SPINK5: variants seen among roughly 807,000 people sequenced by gnomAD.
The protein encoded by SPINK5 is serine peptidase inhibitor Kazal type 5, also known as serine protease inhibitor Kazal-type 5.
Under a neutral mutation model 151.8 loss-of-function variants are expected in SPINK5, and 125 were observed. That is an observed-to-expected ratio of 0.82 (90% CI 0.71 to 0.96). SPINK5 has a LOEUF of 0.96. Among genes scored for constraint, SPINK5 ranks in the 40% least tolerant of loss-of-function variants. The pLI, the probability that SPINK5 is intolerant of heterozygous loss-of-function variation, is 0.00. For missense variants in SPINK5, 1,194 were observed against 1,291.9 expected, an observed-to-expected ratio of 0.92 and a Z score of 1.16; for synonymous variants, 374 against 395.3, an observed-to-expected ratio of 0.95 and a Z score of 0.64.
At chr5:148,068,724 C>A (rs75786595) in intron 2 of SPINK5, among the ~76,000 whole-genome samples, 58 of 151,870 alleles carry the variant, frequency 3.8e-4, no homozygotes, top group Non-Finnish European at 7.5e-4. Flanking sequence ...TTTCCTGATA[C>A]AAGCAACTTG....
chr5:148,071,641 T>G (rs1377520919), intron 3 of SPINK5, among the ~76,000 whole-genome samples: 1 of 150,618 alleles, frequency 6.6e-6, no homozygotes, highest in Non-Finnish European at 1.5e-5. Flanking sequence ...AATTATTATT[T>G]TTATGACTTA....
At chr5:148,068,912 C>T (rs1008066758) in intron 2 of SPINK5, among the ~76,000 whole-genome samples, 2 of 151,842 alleles carry the variant, frequency 1.3e-5, no homozygotes, top group Admixed American at 6.6e-5. Context: ...ATCAGCCTGC[C>T]CAACATGGTG....
intron 8 of SPINK5, among the ~76,000 whole-genome samples, chr5:148,092,363 G>T (rs1473865092): frequency 2.6e-5 from 4 of 151,896 alleles, no homozygotes; most frequent in Non-Finnish European, 5.9e-5. Flanking sequence ...CACTTGCCAA[G>T]GATTGAAAAG....
Position 148,133,865 on chromosome 5 carries a change from C to T in SPINK5, c.3164C>T (p.Thr1055Ile), listed in dbSNP as rs1754633357. 1 of 1,614,040 alleles carries T rather than the reference C, an allele frequency of 6.2e-7. No homozygotes were observed. The highest frequency in any genetic ancestry group is 1.1e-5 in the South Asian group (1 of 91,086). Reference sequence around the variant, plus strand: ...GAGGAGAGCAGCACCCCAGGAACCACCGCAGCCAGCATGCCCCCGTCTGTA... The same window carrying T: ...GAGGAGAGCAGCACCCCAGGAACCATCGCAGCCAGCATGCCCCCGTCTGTA... ...KCEESSTPGTTAASMPPSDE is the reference protein window; with the variant it reads ...KCEESSTPGTIAASMPPSDE The change falls in exon 32 of 33, where the codon ACC becomes ATC. Residue 1055 changes from threonine to isoleucine, a missense_variant. Physicochemically the swap from Thr to Ile is moderately conservative, Grantham distance 89. Transcript: ENST00000256084.
intron 32 of SPINK5, among the ~76,000 whole-genome samples, chr5:148,136,500 A>AATGTTT (rs1754698373): frequency 6.6e-6 from 1 of 152,196 alleles, no homozygotes; most frequent in African/African-American, 2.4e-5. Flanking sequence ...ATATTCATTT[A>AATGTTT]ATGTTTTAAA....
rs779936876 is a variant in SPINK5, at chr5:148,099,264, T to C, written c.1041T>C (p.Ala347=). The C allele has an allele frequency of 1.2e-6, 2 of 1,612,058 alleles. No individual in the cohort carries two copies. The highest frequency in any genetic ancestry group is 2.2e-5 in the South Asian group (2 of 90,842). The stretch of plus-strand genomic sequence containing the variant: ...CAGAAAATGAAGAAAAGAAAAAGGC[T>C]GAAGCACGAGCTAGAAACAAAAGAG... ...FQAENEEKKK[A]EARARNKRES... The change falls in exon 12 of 33, where the codon GCT becomes GCC. Residue 347 remains alanine, a synonymous_variant. Coordinates refer to ENST00000256084, the MANE Select transcript of SPINK5 (RefSeq NM_006846.4).
chr5:148,066,798 CACT>C (rs1285886240), intron 2 of SPINK5, among the ~76,000 whole-genome samples: 1 of 152,124 alleles, frequency 6.6e-6, no homozygotes, highest in Non-Finnish European at 1.5e-5. Flanking sequence ...GTGAATTTTA[CACT>C]GCTATTTTTC....
At chr5:148,123,514 TATATGTGTATA>T (rs1436214922) in intron 26 of SPINK5, among the ~76,000 whole-genome samples, 2 of 12,512 alleles carry the variant, frequency 1.6e-4, no homozygotes, top group African/African-American at 4.9e-4. Context: ...AGTGGTGCAA[TATATGTGTATA>T]TATATATATA....
intron 4 of SPINK5, among the ~76,000 whole-genome samples, chr5:148,080,011 G>C (rs12187263): frequency 2.7e-4 from 41 of 150,952 alleles, no homozygotes; most frequent in Non-Finnish European, 5.2e-4. Flanking sequence ...AAAAGTTCTA[G>C]GGATCCACAA....
chr5:148,091,193 GA>G lies in SPINK5; in HGVS notation c.632del (p.Glu211GlyfsTer22). The G allele has an allele frequency of 6.2e-7, 1 of 1,611,544 alleles. No homozygotes were observed. Among genetic ancestry groups the G allele is most frequent in the Non-Finnish European group, 8.5e-7 (1 of 1,178,620 alleles). ...FLKEAENAKR[E>X]GETRIRRNAE... ...AAAAGAAGCTGAAAATGCCAAGCGA[GA>G]GGGTGAAACTAGAATTCGACGAAAT... On this transcript the variant is annotated frameshift_variant, in exon 8 of 33. Transcript: ENST00000256084. LOFTEE classifies it high-confidence loss of function.
intron 3 of SPINK5, 127 bp downstream of exon 3, chr5:148,070,577 C>A: frequency 8.4e-7 from 1 of 1,197,302 alleles, no homozygotes; most frequent in Non-Finnish European, 1.2e-6. Context: ...AAGTGCTGAG[C>A]AGATCACTCT....
intron 4 of SPINK5, among the ~76,000 whole-genome samples, chr5:148,085,110 C>G (rs1043666921): frequency 7.2e-5 from 11 of 151,846 alleles, no homozygotes; most frequent in African/African-American, 2.7e-4. Flanking sequence ...TATATGGCCA[C>G]TGCTTATCTT....
intron 16 of SPINK5, 29 bp from the exon 17 acceptor site, chr5:148,107,006 ACT>A (rs1431573736): frequency 2.5e-6 from 4 of 1,607,874 alleles, no homozygotes; most frequent in Non-Finnish European, 3.4e-6. Flanking sequence ...ATAGAAAACT[ACT>A]CTGAGAAAAT....
chr5:148,134,472 GA>G (rs1754648936), intron 32 of SPINK5, among the ~76,000 whole-genome samples: 1 of 152,128 alleles, frequency 6.6e-6, no homozygotes, highest in Admixed American at 6.6e-5. Flanking sequence ...TTTGTTATGG[GA>G]TAAATGTGAG....
intron 8 of SPINK5, among the ~76,000 whole-genome samples, chr5:148,092,927 C>G (rs961154444): frequency 2.0e-5 from 3 of 151,852 alleles, no homozygotes; most frequent in Non-Finnish European, 2.9e-5. Context: ...TAGAAAAGGT[C>G]CTACAGAGCA....
At chr5:148,099,791 C>T (rs891866874) in intron 12 of SPINK5, among the ~76,000 whole-genome samples, 1 of 152,104 alleles carries the variant, frequency 6.6e-6, no homozygotes, top group Non-Finnish European at 1.5e-5. Context: ...AATTTTCACT[C>T]TGGATTTTAT....
At chr5:148,129,503 T>G (rs1754521377) in intron 30 of SPINK5, among the ~76,000 whole-genome samples, 1 of 101,170 alleles carries the variant, frequency 9.9e-6, no homozygotes. Context: ...TGATGTACTA[T>G]GTTAAAAAAA....
Position 148,119,956 on chromosome 5 carries a change from A to G in SPINK5, c.2314-53A>G, listed in dbSNP as rs57930479. ...AGAAATCCTCTGATTCTCAAATCCA[A>G]TCAAATATTATGTAAAAACAGCACT... On this transcript the variant is annotated intron_variant, in intron 24 of 32. Coordinates refer to ENST00000256084, the MANE Select transcript of SPINK5 (RefSeq NM_006846.4). 4,455 of 1,602,688 alleles carry G rather than the reference A, an allele frequency of 2.8e-3. 166 individuals are homozygous for G. In the East Asian group the frequency reaches 0.081, roughly 29 times the overall value.
intron 4 of SPINK5, among the ~76,000 whole-genome samples, chr5:148,082,601 C>CTTTT (rs1200775905): frequency 2.3e-5 from 1 of 42,760 alleles, no homozygotes; most frequent in Non-Finnish European, 3.6e-5. Context: ...TTTATATATT[C>CTTTT]TTTTTTTTTT....
Sources: gnomAD v4.1 joint callset for allele counts (sites outside exome capture counted in the v4.1 genomes callset) on GRCh38, gnomAD v4.1.1 for gene constraint, MANE v1.5 for transcripts, NCBI Gene and HGNC (gene_info 2026-07-23, HGNC 2026-07-21) for gene names.